Variants in LRP1 observed in about 807,000 individuals in gnomAD.
The protein encoded by LRP1 is LDL receptor related protein 1.
In LRP1, 51 loss-of-function variants were observed where a neutral mutation model predicts 541.5. The ratio of observed to expected loss-of-function variants is 0.09; its 90% CI spans 0.08 to 0.12. The LOEUF (loss-of-function observed/expected upper bound fraction) is 0.12, where lower values mean the gene tolerates loss of function less well. Among genes scored for constraint, LRP1 ranks in the 10% least tolerant of loss-of-function variants. The probability of loss-of-function intolerance (pLI) is 1.00; values close to 1 mark genes in which losing one functional copy is unlikely to be tolerated. For synonymous variants in LRP1, 2,219 were observed against 2,470.8 expected (o/e 0.90, Z 3.02); for missense variants, 3,878 against 6,376.2 (o/e 0.61, Z 13.34).
intron 41 of LRP1, among the ~76,000 whole-genome samples, chr12:57,186,238 C>T (rs1592642656): frequency 6.6e-6 from 1 of 152,208 alleles, no homozygotes; most frequent in African/African-American, 2.4e-5. Context: ...GGTCAGTTTC[C>T]TGCTCTTGCC....
chr12:57,134,133 G>T (rs1025711442), intron 1 of LRP1, among the ~76,000 whole-genome samples: 7 of 151,758 alleles, frequency 4.6e-5, no homozygotes, highest in African/African-American at 1.2e-4. Flanking sequence ...GCCTGGGTTT[G>T]GGGGGGTGGG....
chr12:57,137,501 T>C (rs2035197053), intron 1 of LRP1, among the ~76,000 whole-genome samples: 1 of 152,162 alleles, frequency 6.6e-6, no homozygotes, highest in African/African-American at 2.4e-5. Flanking sequence ...TAAGGATGTC[T>C]ACTGAAAGTC....
chr12:57,138,946 A>C (rs2035231115), intron 2 of LRP1, among the ~76,000 whole-genome samples: 1 of 152,098 alleles, frequency 6.6e-6, no homozygotes, highest in African/African-American at 2.4e-5. Context: ...TCGGATCCTC[A>C]GATCTTCCTC....
At position 57,162,747 on chromosome 12, in the gene LRP1, C is replaced by T; in HGVS notation, c.2405-111C>T. On this transcript the variant is annotated intron_variant, in intron 14 of 88. Transcript: ENST00000243077. The surrounding 1 kb of genome is among the most constrained non-coding windows in gnomAD (Gnocchi z 5.2). ...TCTTCAACATGATCTTCTTCCTCTC[C>T]ATATTTCCTCTTTCTGTCCCCACAT... 1 of 1,258,588 alleles carries T rather than the reference C, an allele frequency of 7.9e-7. No individual in the cohort carries two copies. Among genetic ancestry groups the T allele is most frequent in the Non-Finnish European group, 1.1e-6 (1 of 909,110 alleles). The allele number at this position is 1,258,588 out of a possible 1,614,324, so 78.0% of individuals were successfully genotyped here. A position where few individuals can be genotyped will look rare whatever the true frequency, so the allele number is the denominator to read the frequency against.
chr12:57,152,264 A>G (rs1331488226), intron 6 of LRP1, among the ~76,000 whole-genome samples: 1 of 152,070 alleles, frequency 6.6e-6, no homozygotes, highest in Non-Finnish European at 1.5e-5. Flanking sequence ...AGGGCTGGGC[A>G]GTGACTCAGG....
Position 57,204,848 on chromosome 12 carries a change from G to A in LRP1, c.11194+99G>A. On this transcript the variant is annotated intron_variant, in intron 72 of 88. Transcript: ENST00000243077. This position sits in a 1 kb window ranked among gnomAD's most constrained non-coding sequence, Gnocchi z 5.3. The stretch of plus-strand genomic sequence containing the variant: ...GCTGCACTGGGGTTAGGGTTAACCA[G>A]GAGGACTCGCCCAGGAAGGGGAGGA... 6.5e-7 allele frequency: 1 copy of A among 1,542,738 alleles called. No homozygotes were observed. Among genetic ancestry groups the A allele is most frequent in the Non-Finnish European group, 8.8e-7 (1 of 1,134,548 alleles).
intron 24 of LRP1, 142 bp from the exon 25 acceptor site, chr12:57,176,899 C>G: frequency 1.5e-6 from 1 of 670,104 alleles, no homozygotes. Flanking sequence ...CAATAGGAGT[C>G]CTACTCTTGA....
intron 30 of LRP1, 33 bp from the exon 31 acceptor site, chr12:57,180,014 C>G (rs2036130366): frequency 6.2e-7 from 1 of 1,613,144 alleles, no homozygotes; most frequent in African/African-American, 1.3e-5. Context: ...AGAAGAGGAC[C>G]CTGACCTTTC....
chr12:57,172,476 T>C (rs930994737), intron 20 of LRP1, among the ~76,000 whole-genome samples: 1 of 152,204 alleles, frequency 6.6e-6, no homozygotes, highest in African/African-American at 2.4e-5. Flanking sequence ...GCCTGTGTGC[T>C]GTTTTCTGAA....
chr12:57,182,776 A>G (rs556966294), intron 34 of LRP1, among the ~76,000 whole-genome samples: 1 of 152,310 alleles, frequency 6.6e-6, no homozygotes, highest in Non-Finnish European at 1.5e-5. Context: ...AGATCGCGTC[A>G]TTGTACTGCA....
Position 57,177,259 on chromosome 12 carries a change from C to G in LRP1, c.4196+14C>G, listed in dbSNP as rs774501022. The G allele has an allele frequency of 1.2e-5, 19 of 1,611,526 alleles. No homozygotes were observed. In the East Asian group the frequency reaches 3.8e-4, roughly 32 times the overall value. Reference sequence around the variant, plus strand: ...TCCCCGGGATGGGTGAGGACCTTGCCCAGCCTTCTCCTGGCCCCATGGCCC... The same window carrying G: ...TCCCCGGGATGGGTGAGGACCTTGCGCAGCCTTCTCCTGGCCCCATGGCCC... On this transcript the variant is annotated intron_variant, in intron 25 of 88. Coordinates refer to ENST00000243077, the MANE Select transcript of LRP1 (RefSeq NM_002332.3). The surrounding 1 kb of genome is among the most constrained non-coding windows in gnomAD (Gnocchi z 6.8).
chr12:57,185,694 C>T lies in LRP1; in HGVS notation c.6627C>T (p.Leu2209=), dbSNP rs1431983601. Residue 2209 remains leucine (L), a synonymous_variant, in exon 41 of 89, where the codon CTC becomes CTT. Coordinates refer to ENST00000243077, the MANE Select transcript of LRP1 (RefSeq NM_002332.3). This position sits in a 1 kb window ranked among gnomAD's most constrained non-coding sequence, Gnocchi z 4.9. ...TGCTCTACTCAGAGCGCACCATTCT[C>T]AAGAGTATCCACCTGTCGGATGAGC... ...GYLLYSERTI[L]KSIHLSDERN... The T allele has an allele frequency of 1.3e-5, 21 of 1,614,042 alleles. No individual in the cohort carries two copies. The highest frequency in any genetic ancestry group is 1.7e-5 in the Non-Finnish European group (20 of 1,180,026).
At position 57,203,960 on chromosome 12, in the gene LRP1, G is replaced by A. The variant is rs201360762; in HGVS notation, c.10951+439G>A. ...AGTACAGAGGGGGCAGGTGAAGCCC[G>A]GGATGAGAAAAGACTGGGCCTTGGA... On this transcript the variant is annotated intron_variant, in intron 70 of 88. Coordinates refer to ENST00000243077, the MANE Select transcript of LRP1 (RefSeq NM_002332.3). 126 of 192,546 alleles carry A rather than the reference G, an allele frequency of 6.5e-4. 2 individuals carry two copies. The highest frequency in any genetic ancestry group is 5.0e-4 in the Non-Finnish European group (48 of 95,534). The allele number at this position is 192,546 out of a possible 1,614,324, so 11.9% of individuals were successfully genotyped here.
chr12:57,183,599 C>T lies in LRP1; in HGVS notation c.5794+89C>T, dbSNP rs544288781. ...GCCCTGAGGGTCCAGTGAGAGGCTG[C>T]CTGAATTGGCCTGAGGTGGGGCACT... On this transcript the variant is annotated intron_variant, in intron 35 of 88. Transcript: ENST00000243077. This position sits in a 1 kb window ranked among gnomAD's most constrained non-coding sequence, Gnocchi z 6.1. The T allele has an allele frequency of 1.7e-5, 26 of 1,516,614 alleles. No homozygotes were observed. The East Asian group carries it at 5.3e-4, about 31-fold the overall frequency. 93.9% of individuals were successfully genotyped at this position (1,516,614 alleles called of 1,614,324 possible). A position where few individuals can be genotyped will look rare whatever the true frequency, so the allele number is the denominator to read the frequency against.
At position 57,183,906 on chromosome 12, in the gene LRP1, G is replaced by T; in HGVS notation, c.5926G>T (p.Ala1976Ser). Residue 1976 changes from alanine to serine, a missense_variant, in exon 36 of 89, where the codon GCA becomes TCA. By Grantham distance (99) the Ala-to-Ser change is moderately conservative. Around this residue, in one of 13 missense-constraint regions of LRP1, gnomAD observed 394 missense variants for 635.9 expected, o/e 0.62. Coordinates refer to ENST00000243077, the MANE Select transcript of LRP1 (RefSeq NM_002332.3). The surrounding 1 kb of genome is among the most constrained non-coding windows in gnomAD (Gnocchi z 6.1). ...GGAGGGCATTGCAGTGGACTGGATC[G>T]CAGGTGAGCAGTGGGCAGGTTTGTG... ...RVEGIAVDWI[A>S]GNIYWTDQGF... 2 of 1,614,122 alleles carry T rather than the reference G, an allele frequency of 1.2e-6. No individual in the cohort carries two copies. Among genetic ancestry groups the T allele is most frequent in the East Asian group, 2.2e-5 (1 of 44,880 alleles).
Position 57,159,056 on chromosome 12 carries a change from T to C in LRP1, c.1798+418T>C, listed in dbSNP as rs554898015. On this transcript the variant is annotated intron_variant, in intron 11 of 88. Coordinates refer to ENST00000243077, the MANE Select transcript of LRP1 (RefSeq NM_002332.3). ...GCAGTCGCCAAAAACTGCATGCTAATGTGTCCTGAGAAAATTGTGTTTTGT... is the reference window on the plus strand; with the variant it reads ...GCAGTCGCCAAAAACTGCATGCTAACGTGTCCTGAGAAAATTGTGTTTTGT... Among the ~76,000 whole-genome samples, 102 of 152,340 alleles carry C rather than the reference T, an allele frequency of 6.7e-4. No individual in the cohort carries two copies. In the Middle Eastern group the frequency reaches 0.014, roughly 20 times the overall value.
chr12:57,165,188 G>C lies in LRP1; in HGVS notation c.2531-617G>C, dbSNP rs968256977. On this transcript the variant is annotated intron_variant, in intron 15 of 88. Coordinates refer to ENST00000243077, the MANE Select transcript of LRP1 (RefSeq NM_002332.3). This position sits in a 1 kb window ranked among gnomAD's most constrained non-coding sequence, Gnocchi z 4.5. ...CAGAGATTAGAGAGGGGTGGGAGAT[G>C]AGTCAGACCAGGCAAGCGCCCAGCT... The C allele has an allele frequency of 6.6e-6, 1 of 152,540 alleles. No individual in the cohort carries two copies. Among genetic ancestry groups the C allele is most frequent in the Non-Finnish European group, 1.5e-5 (1 of 68,316 alleles). 9.4% of individuals were successfully genotyped at this position (152,540 alleles called of 1,614,324 possible).
intron 1 of LRP1, among the ~76,000 whole-genome samples, chr12:57,136,395 G>GGGCC: frequency 1.0e-5 from 1 of 99,124 alleles, no homozygotes; most frequent in Admixed American, 1.3e-4. Flanking sequence ...CCTCCTAAGA[G>GGGCC]CCCCCCCCCC....
At position 57,205,745 on chromosome 12, in the gene LRP1, A is replaced by T. The variant is rs2036764178; in HGVS notation, c.11590+68A>T. 1.3e-6 allele frequency: 2 copies of T among 1,584,618 alleles called. No homozygotes were observed. The highest frequency in any genetic ancestry group is 3.4e-5 in the Admixed American group (2 of 58,780). ...GCGACCAGGATATCAAACGGGGCCG[A>T]CTTGGAATGGAATGTCTTCCTGCGG... On this transcript the variant is annotated intron_variant, in intron 75 of 88. Transcript: ENST00000243077. The surrounding 1 kb of genome is among the most constrained non-coding windows in gnomAD (Gnocchi z 4.6).
Sources: gnomAD v4.1 joint callset for allele counts (sites outside exome capture counted in the v4.1 genomes callset) on GRCh38, gnomAD v4.1.1 for gene constraint, gnomAD v4.1.1 regional missense constraint, Gnocchi (gnomAD v3.1) non-coding constraint, MANE v1.5 for transcripts, NCBI Gene and HGNC (gene_info 2026-07-23, HGNC 2026-07-21) for gene names.